The following MAPK4 variants were observed in gnomAD, a reference collection of about 807,000 sequenced individuals.
MAPK4 encodes Erk3-related.
Under a neutral mutation model 47.7 loss-of-function variants are expected in MAPK4, and 22 were observed. The ratio of observed to expected loss-of-function variants is 0.46; its 90% CI spans 0.33 to 0.66. The LOEUF (loss-of-function observed/expected upper bound fraction) is 0.66, where lower values mean the gene tolerates loss of function less well. Among genes scored for constraint, MAPK4 ranks in the 30% least tolerant of loss-of-function variants. The pLI, the probability that MAPK4 is intolerant of heterozygous loss-of-function variation, is 0.02. For missense variants in MAPK4, 736 were observed against 831.7 expected, an observed-to-expected ratio of 0.88 and a Z score of 1.42; for synonymous variants, 390 against 365.7, an observed-to-expected ratio of 1.07 and a Z score of -0.76.
rs756698407 is a variant in MAPK4 at position 50,576,787 on chromosome 18, AGTTT to A, written c.-871+16547_-871+16550del. ...ATTTATTAATGAAGCAGTATAATGC[AGTTT>A]GTATGAAGCATATTCCTTTTATGCC... On this transcript the variant is annotated intron_variant, in intron 1 of 5. Coordinates refer to ENST00000400384, the MANE Select transcript of MAPK4 (RefSeq NM_002747.4). Among the ~76,000 whole-genome samples, 121 of 152,230 alleles carry A rather than the reference AGTTT, an allele frequency of 7.9e-4. 9 individuals are homozygous for A. Among genetic ancestry groups the A allele is most frequent in the Non-Finnish European group, 7.3e-5 (5 of 68,048 alleles).
chr18:50,658,219 G>T (rs779962708), intron 1 of MAPK4, among the ~76,000 whole-genome samples: 5 of 152,188 alleles, frequency 3.3e-5, no homozygotes, highest in Admixed American at 6.5e-5. Context: ...AGGCTGAAAA[G>T]GTGGCTGCCT....
At chr18:50,652,328 C>T (rs1225429970) in intron 1 of MAPK4, among the ~76,000 whole-genome samples, 1 of 152,170 alleles carries the variant, frequency 6.6e-6, no homozygotes, top group Non-Finnish European at 1.5e-5. Context: ...TTTCTTGTTG[C>T]CTCTGAGCAA....
intron 1 of MAPK4, among the ~76,000 whole-genome samples, chr18:50,581,006 A>C (rs1568034013): frequency 6.6e-6 from 1 of 152,154 alleles, no homozygotes; most frequent in Non-Finnish European, 1.5e-5. Context: ...ACCCAGTAGC[A>C]CAGCTTGATG....
chr18:50,589,347 A>G (rs536757085), intron 1 of MAPK4, among the ~76,000 whole-genome samples: 3 of 152,354 alleles, frequency 2.0e-5, no homozygotes, highest in African/African-American at 7.2e-5. Context: ...CTGTAATCCC[A>G]GCACTTTGGG....
chr18:50,619,563 A>G (rs2042713391), intron 1 of MAPK4, among the ~76,000 whole-genome samples: 1 of 152,090 alleles, frequency 6.6e-6, no homozygotes, highest in Admixed American at 6.6e-5. Context: ...TCCTGGCCTC[A>G]AGCAGTCCTC....
intron 3 of MAPK4, among the ~76,000 whole-genome samples, chr18:50,715,525 G>C (rs1040371493): frequency 2.0e-5 from 3 of 152,192 alleles, no homozygotes; most frequent in Non-Finnish European, 4.4e-5. Context: ...CCAAGGTGAT[G>C]CTATTAGGAG....
chr18:50,698,545 A>G (rs1226789688), intron 2 of MAPK4, among the ~76,000 whole-genome samples: 2 of 152,220 alleles, frequency 1.3e-5, no homozygotes, highest in African/African-American at 4.8e-5. Context: ...CTCATGTCCA[A>G]TAGTTTTATC....
intron 1 of MAPK4, among the ~76,000 whole-genome samples, chr18:50,597,471 T>C (rs1568039357): frequency 6.6e-6 from 1 of 152,232 alleles, no homozygotes; most frequent in Non-Finnish European, 1.5e-5. Context: ...CATAGGTTTC[T>C]GGTTTTACAT....
intron 2 of MAPK4, among the ~76,000 whole-genome samples, chr18:50,693,988 G>A (rs1909372037): frequency 6.6e-6 from 1 of 152,214 alleles, no homozygotes. Context: ...AGGATGCAGA[G>A]AAGGCTCATG....
chr18:50,673,487 T>C (rs986003022), intron 2 of MAPK4, among the ~76,000 whole-genome samples: 1 of 152,256 alleles, frequency 6.6e-6, no homozygotes, highest in African/African-American at 2.4e-5. Context: ...GCAGGCTTGC[T>C]GGTGACAAAT....
intron 1 of MAPK4, among the ~76,000 whole-genome samples, chr18:50,627,700 C>T (rs1046760736): frequency 1.3e-5 from 2 of 152,150 alleles, no homozygotes; most frequent in Non-Finnish European, 2.9e-5. Flanking sequence ...AGGTGAGGCC[C>T]AGGACTTGAG....
At chr18:50,592,223 G>A (rs1261387227) in intron 1 of MAPK4, among the ~76,000 whole-genome samples, 2 of 152,212 alleles carry the variant, frequency 1.3e-5, no homozygotes, top group Admixed American at 6.5e-5. Flanking sequence ...ACAGCCAGAA[G>A]AGGGTTCAAG....
At position 50,716,986 on chromosome 18, in the gene MAPK4, G is replaced by A. The variant is rs76515568; in HGVS notation, c.691+1763G>A. Among the ~76,000 whole-genome samples, 1,420 of 152,094 alleles carry A rather than the reference G, an allele frequency of 9.3e-3. 10 individuals carry two copies. Among genetic ancestry groups the A allele is most frequent in the Non-Finnish European group, 0.015 (988 of 67,994 alleles). ...CTCTTCTTCTCTATCTTGTCCTCCCGTGCCAGCACCTCATCTCATCTCCCA... is the reference window on the plus strand; with the variant it reads ...CTCTTCTTCTCTATCTTGTCCTCCCATGCCAGCACCTCATCTCATCTCCCA... On this transcript the variant is annotated intron_variant, in intron 3 of 5. Transcript: ENST00000400384.
In MAPK4 at chr18:50,676,398, G is replaced by A. The variant is rs74974583; in HGVS notation, c.546+11894G>A. ...ACACTGACATTCTTTGGATTTAGCC[G>A]TCAAACCAGTTATCAATTTACATAG... On this transcript the variant is annotated intron_variant, in intron 2 of 5. Transcript: ENST00000400384. 5.9e-5 allele frequency among the ~76,000 whole-genome samples: 9 copies of A among 152,260 alleles called. No individual in the cohort carries two copies. The East Asian group carries it at 1.3e-3, about 23-fold the overall frequency.
Position 50,729,543 on chromosome 18 carries a change from G to T in MAPK4, c.1453G>T (p.Glu485Ter). ...GLADTGARED[E>*]PASLFLEIAQ... ...GGCGGACACGGGGGCGCGCGAGGAC[G>T]AGCCGGCCAGCCTCTTCCTGGAGAT... is the stretch of plus-strand genomic sequence containing the variant. The change falls in exon 6 of 6, where the codon GAG becomes TAG. Residue 485 changes from glutamate to a stop codon, truncating the protein, a stop_gained. Coordinates refer to ENST00000400384, the MANE Select transcript of MAPK4 (RefSeq NM_002747.4). LOFTEE classifies it high-confidence loss of function. 2.8e-6 allele frequency: 4 copies of T among 1,429,082 alleles called. No individual in the cohort carries two copies. Among genetic ancestry groups the T allele is most frequent in the Non-Finnish European group, 3.7e-6 (4 of 1,091,304 alleles). The allele number at this position is 1,429,082 out of a possible 1,614,324, so 88.5% of individuals were successfully genotyped here.
chr18:50,725,936 T>C (rs1478729863), intron 4 of MAPK4, 26 bp from the exon 5 acceptor site: 4 of 1,599,880 alleles, frequency 2.5e-6, no homozygotes, highest in Non-Finnish European at 3.4e-6. Flanking sequence ...ACAAATGACC[T>C]TCATGTCCGG....
chr18:50,641,928 G>A (rs1043628094), intron 1 of MAPK4, among the ~76,000 whole-genome samples: 1 of 152,148 alleles, frequency 6.6e-6, no homozygotes, highest in East Asian at 1.9e-4. Flanking sequence ...TTTCCTGTAA[G>A]GGTTTGTATT....
At chr18:50,599,188 C>T (rs2042512435) in intron 1 of MAPK4, among the ~76,000 whole-genome samples, 1 of 152,162 alleles carries the variant, frequency 6.6e-6, no homozygotes, top group Non-Finnish European at 1.5e-5. Context: ...GAACTTCACA[C>T]TACAGGTCAT....
At chr18:50,724,457 C>A (rs1911089533) in intron 4 of MAPK4, among the ~76,000 whole-genome samples, 1 of 152,224 alleles carries the variant, frequency 6.6e-6, no homozygotes, top group Non-Finnish European at 1.5e-5. Flanking sequence ...AAAAAAGGGG[C>A]CAGAGGCCCA....
Sources: gnomAD v4.1 joint callset for allele counts (sites outside exome capture counted in the v4.1 genomes callset) on GRCh38, gnomAD v4.1.1 for gene constraint, MANE v1.5 for transcripts, NCBI Gene and HGNC (gene_info 2026-07-23, HGNC 2026-07-21) for gene names.